Variants in TRIM71 observed in about 807,000 individuals in gnomAD.
TRIM71 encodes the protein E3 ubiquitin-protein ligase TRIM71.
A neutral mutation model predicts 61.2 loss-of-function variants in TRIM71; 9 were observed. The observed-to-expected ratio is 0.15, with a 90% CI of 0.09 to 0.26. The LOEUF (loss-of-function observed/expected upper bound fraction) is 0.26. Ranked by LOEUF, TRIM71 falls within the 10% of genes least tolerant of loss-of-function variation. TRIM71 has a pLI of 1.00. For missense variants in TRIM71, 998 were observed against 1,238.7 expected, an observed-to-expected ratio of 0.81 and a Z score of 2.92; for synonymous variants, 645 against 553.2, an observed-to-expected ratio of 1.17 and a Z score of -2.33.
chr3:32,820,084 CGATCTACCT>C (rs1369327045), intron 1 of TRIM71, among the ~76,000 whole-genome samples: 1 of 152,186 alleles, frequency 6.6e-6, no homozygotes, highest in African/African-American at 2.4e-5. Flanking sequence ...GTAACTTAGG[CGATCTACCT>C]GTAGACCGGT....
intron 1 of TRIM71, among the ~76,000 whole-genome samples, chr3:32,873,034 G>A (rs1443755674): frequency 6.7e-6 from 1 of 149,902 alleles, no homozygotes; most frequent in Non-Finnish European, 1.5e-5. Context: ...TTATTAGCAG[G>A]TAAAGGTTGT....
intron 1 of TRIM71, among the ~76,000 whole-genome samples, chr3:32,837,877 T>C (rs1696353752): frequency 6.6e-6 from 1 of 152,184 alleles, no homozygotes; most frequent in Non-Finnish European, 1.5e-5. Context: ...CCAGATTCTA[T>C]CTCTTCTGTG....
At chr3:32,836,113 C>A (rs1559539228) in intron 1 of TRIM71, among the ~76,000 whole-genome samples, 1 of 152,146 alleles carries the variant, frequency 6.6e-6, no homozygotes, top group South Asian at 2.1e-4. Context: ...TTCCCCTCCC[C>A]CGACAGCTCC....
Position 32,818,768 on chromosome 3 carries a change from G to A in TRIM71, c.688G>A (p.Val230Met). The A allele has an allele frequency of 6.2e-7, 1 of 1,606,986 alleles. No individual in the cohort carries two copies. The highest frequency in any genetic ancestry group is 8.5e-7 in the Non-Finnish European group (1 of 1,178,436). Residue 230 changes from valine to methionine, a missense_variant, in exon 1 of 4, where the codon GTG (valine) becomes ATG (methionine). This residue lies in a region of TRIM71 where 527 missense variants were observed against 427.8 expected (regional missense o/e 1.23). Transcript: ENST00000383763. ...CDNCVRAHQR[V>M]RLTKDHYIER... The stretch of plus-strand genomic sequence containing the variant: ...CAACTGCGTCCGAGCGCACCAGCGC[G>A]TGCGCCTCACCAAGGACCACTACAT...
At position 32,835,938 on chromosome 3, in the gene TRIM71, GTGCTACCC is replaced by G. The variant is rs535922139; in HGVS notation, c.852+17009_852+17016del. On this transcript the variant is annotated intron_variant, in intron 1 of 3. Coordinates refer to ENST00000383763, the MANE Select transcript of TRIM71 (RefSeq NM_001039111.3). ...GGTTAGTCTTAAAAAACATGTGTAG[GTGCTACCC>G]TGTACTGACTTGCTGGTCATTACTT... Among the ~76,000 whole-genome samples the G allele has an allele frequency of 2.3e-3, 346 of 152,232 alleles. 2 individuals are homozygous for G. The highest frequency in any genetic ancestry group is 6.8e-3 in the Middle Eastern group (2 of 294).
rs1697053657 is a variant in TRIM71 at position 32,893,973 on chromosome 3, G to A, written c.*2162G>A. ...AGCTGCTGTTACAGGGTGGGAAGGT[G>A]TTAGGAAATGTTGTTTGTTAGAAGC... On this transcript the variant is annotated 3_prime_UTR_variant, in exon 4 of 4. Coordinates refer to ENST00000383763, the MANE Select transcript of TRIM71 (RefSeq NM_001039111.3). 1 of 152,198 alleles carries A rather than the reference G, an allele frequency of 6.6e-6. No individual in the cohort carries two copies. The highest frequency in any genetic ancestry group is 1.9e-4 in the East Asian group (1 of 5,200). 9.4% of individuals were successfully genotyped at this position (152,198 alleles called of 1,614,324 possible).
At position 32,818,826 on chromosome 3, in the gene TRIM71, C is replaced by G. The variant is rs753046647; in HGVS notation, c.746C>G (p.Ala249Gly). ...GGCCCGCCGGGTCCCGGTGCCGCAG[C>G]AGCGGCGCAGCAGCTCGGGCTCGGG... ...ERGPPGPGAAAAAQQLGLGPP... is the reference protein window; with the variant it reads ...ERGPPGPGAAGAAQQLGLGPP... The change falls in exon 1 of 4, where the codon GCA (alanine) becomes GGA (glycine). Residue 249 changes from alanine to glycine, a missense_variant. Around this residue, in one of 5 missense-constraint regions of TRIM71, gnomAD observed 527 missense variants for 427.8 expected, o/e 1.23. Transcript: ENST00000383763. The G allele has an allele frequency of 3.1e-6, 5 of 1,610,926 alleles. No individual in the cohort carries two copies. Among genetic ancestry groups the G allele is most frequent in the South Asian group, 2.2e-5 (2 of 91,004 alleles).
chr3:32,896,240 G>A lies in TRIM71; in HGVS notation c.*4429G>A, dbSNP rs576980305. ...CTTTAGGAGCAATTCTAAAGGTCTA[G>A]ATCTTGGAAACATCAAATATTTGAA... On this transcript the variant is annotated 3_prime_UTR_variant, in exon 4 of 4. Coordinates refer to ENST00000383763, the MANE Select transcript of TRIM71 (RefSeq NM_001039111.3). 6.6e-6 allele frequency: 1 copy of A among 152,224 alleles called. No individual in the cohort carries two copies. The highest frequency in any genetic ancestry group is 2.1e-4 in the South Asian group (1 of 4,816). 9.4% of individuals were successfully genotyped at this position (152,224 alleles called of 1,614,324 possible).
intron 1 of TRIM71, among the ~76,000 whole-genome samples, 200 bp downstream of exon 1, chr3:32,819,132 G>A (rs940463153): frequency 3.3e-5 from 5 of 152,134 alleles, no homozygotes; most frequent in Non-Finnish European, 7.3e-5. Flanking sequence ...TGTACGTGTC[G>A]CGAGGGGCTC....
At chr3:32,844,891 C>G (rs1696454883) in intron 1 of TRIM71, among the ~76,000 whole-genome samples, 1 of 152,146 alleles carries the variant, frequency 6.6e-6, no homozygotes, top group African/African-American at 2.4e-5. Context: ...CAAAGTTCCC[C>G]AATTTTAATG....
intron 1 of TRIM71, among the ~76,000 whole-genome samples, chr3:32,858,692 G>A (rs1696633133): frequency 6.6e-6 from 1 of 152,160 alleles, no homozygotes; most frequent in African/African-American, 2.4e-5. Context: ...AACAATTTGG[G>A]GGAAGGACAG....
intron 1 of TRIM71, among the ~76,000 whole-genome samples, chr3:32,839,114 C>T (rs1337122346): frequency 6.6e-6 from 1 of 152,098 alleles, no homozygotes; most frequent in Non-Finnish European, 1.5e-5. Context: ...GAAATCTAAA[C>T]TTACAAGGAC....
At position 32,891,745 on chromosome 3, in the gene TRIM71, C is replaced by T. The variant is rs753390645; in HGVS notation, c.2541C>T (p.Ile847=). ...GFGQMDRPSG[I]AITPDGMIVV... ...GGCAGATGGACCGCCCTTCCGGCAT[C>T]GCCATCACCCCCGACGGAATGATCG... Residue 847 remains isoleucine, a synonymous_variant, in exon 4 of 4, where the codon ATC becomes ATT. Coordinates refer to ENST00000383763, the MANE Select transcript of TRIM71 (RefSeq NM_001039111.3). The surrounding 1 kb of genome is among the most constrained non-coding windows in gnomAD (Gnocchi z 8.2). 41 of 1,613,992 alleles carry T rather than the reference C, an allele frequency of 2.5e-5. No homozygotes were observed. The highest frequency in any genetic ancestry group is 3.3e-5 in the Admixed American group (2 of 59,998).
rs1442647062 is a variant in TRIM71, at chr3:32,824,377, G to A, written c.852+5445G>A. 4.7e-5 allele frequency among the ~76,000 whole-genome samples: 7 copies of A among 149,846 alleles called. No homozygotes were observed. The East Asian group carries it at 1.4e-3, about 29-fold the overall frequency. ...TCTTTCTTTTTTTTTTTTTTAAGTA[G>A]AGACGGGGTTTCACCATATTGGCCA... On this transcript the variant is annotated intron_variant, in intron 1 of 3. Transcript: ENST00000383763.
chr3:32,822,564 T>C (rs987710982), intron 1 of TRIM71, among the ~76,000 whole-genome samples: 4 of 152,222 alleles, frequency 2.6e-5, no homozygotes, highest in Admixed American at 2.6e-4. Context: ...AATGGGACTG[T>C]ACCTGTATTC....
chr3:32,886,051 T>C lies in TRIM71; in HGVS notation c.1138T>C (p.Cys380Arg). 1 of 1,613,354 alleles carries C rather than the reference T, an allele frequency of 6.2e-7. No homozygotes were observed. Among genetic ancestry groups the C allele is most frequent in the Non-Finnish European group, 8.5e-7 (1 of 1,179,648 alleles). The change falls in exon 3 of 4, where the codon TGT becomes CGT. Residue 380 changes from cysteine (C) to arginine (R), a missense_variant. This residue lies in a region of TRIM71 where 291 missense variants were observed against 431.2 expected (regional missense o/e 0.67). Coordinates refer to ENST00000383763, the MANE Select transcript of TRIM71 (RefSeq NM_001039111.3). Reference sequence around the variant, plus strand: ...TAAGAAAGCCCTGGAGGAACGCGAGTGTGAGCTGCTGTGGAAGGTAACAGG... The same window carrying C: ...TAAGAAAGCCCTGGAGGAACGCGAGCGTGAGCTGCTGTGGAAGGTAACAGG... ...RHKKALEERE[C>R]ELLWKVEKIR...
Position 32,818,034 on chromosome 3 carries a change from C to T in TRIM71, c.-47C>T, listed in dbSNP as rs375538959. On this transcript the variant is annotated 5_prime_UTR_variant, in exon 1 of 4. Coordinates refer to ENST00000383763, the MANE Select transcript of TRIM71 (RefSeq NM_001039111.3). ...ACCTCGTCCGCTCTCTCCTCCTCCT[C>T]CTCCTCTTCCTCTCTGGTCTCCTCC... 15 of 1,579,094 alleles carry T rather than the reference C, an allele frequency of 9.5e-6. No homozygotes were observed. The South Asian group carries it at 1.1e-4, about 12-fold the overall frequency.
At chr3:32,839,666 G>C in intron 1 of TRIM71, among the ~76,000 whole-genome samples, 1 of 136,752 alleles carries the variant, frequency 7.3e-6, no homozygotes, top group South Asian at 2.8e-4. Context: ...TTTTTTGGGG[G>C]GGGGGTGGGG....
rs1033818041 is a variant in TRIM71, at chr3:32,893,486, C to T, written c.*1675C>T. 1 of 152,072 alleles carries T rather than the reference C, an allele frequency of 6.6e-6. No individual in the cohort carries two copies. Among genetic ancestry groups the T allele is most frequent in the African/African-American group, 2.4e-5 (1 of 41,402 alleles). 9.4% of individuals were successfully genotyped at this position (152,072 alleles called of 1,614,324 possible). A position where few individuals can be genotyped will look rare whatever the true frequency, so the allele number is the denominator to read the frequency against. The stretch of plus-strand genomic sequence containing the variant: ...GAACCCAGTGGGTTCCTGCAATGCC[C>T]CAAATACTGAAATAAGAACCAAATT... On this transcript the variant is annotated 3_prime_UTR_variant, in exon 4 of 4. Coordinates refer to ENST00000383763, the MANE Select transcript of TRIM71 (RefSeq NM_001039111.3).
Sources: gnomAD v4.1 joint callset for allele counts (sites outside exome capture counted in the v4.1 genomes callset) on GRCh38, gnomAD v4.1.1 for gene constraint, gnomAD v4.1.1 regional missense constraint, Gnocchi (gnomAD v3.1) non-coding constraint, MANE v1.5 for transcripts, NCBI Gene and HGNC (gene_info 2026-07-23, HGNC 2026-07-21) for gene names.